HDAC9: variants seen among roughly 807,000 people sequenced by gnomAD.
HDAC9 encodes MEF-2 interacting transcription repressor (MITR) protein.
In HDAC9, 41 loss-of-function variants were observed where a neutral mutation model predicts 139.4. That is an observed-to-expected ratio of 0.29 (90% CI 0.23 to 0.38). The LOEUF (loss-of-function observed/expected upper bound fraction) is 0.38, where lower values mean the gene tolerates loss of function less well. Among genes scored for constraint, HDAC9 ranks in the 10% least tolerant of loss-of-function variants. The pLI, the probability that HDAC9 is intolerant of heterozygous loss-of-function variation, is 1.00. For synonymous variants in HDAC9, 517 were observed against 476.2 expected (o/e 1.09, Z -1.12); for missense variants, 1,147 against 1,297.0 (o/e 0.88, Z 1.78).
chr7:18,352,772 T>C (rs1020030635), intron 1 of HDAC9, among the ~76,000 whole-genome samples: 19 of 152,162 alleles, frequency 1.2e-4, no homozygotes, highest in Non-Finnish European at 2.6e-4. Context: ...TTTGTTTTTT[T>C]CCCCCCTTTT....
chr7:18,862,072 T>C lies in HDAC9; in HGVS notation c.2685-12406T>C, dbSNP rs193002177. On this transcript the variant is annotated intron_variant, in intron 21 of 25. Transcript: ENST00000686413. ...AGAAGTGATAATTTAGCCCCCAAAATATAGCTTATACAAATTTTGTTCTTG... is the reference window on the plus strand; with the variant it reads ...AGAAGTGATAATTTAGCCCCCAAAACATAGCTTATACAAATTTTGTTCTTG... Among the ~76,000 whole-genome samples, 48 of 152,264 alleles carry C rather than the reference T, an allele frequency of 3.2e-4. No individual in the cohort carries two copies. In the East Asian group the frequency reaches 8.1e-3, roughly 26 times the overall value.
At chr7:18,643,735 G>A (rs1209672254) in intron 8 of HDAC9, among the ~76,000 whole-genome samples, 2 of 152,066 alleles carry the variant, frequency 1.3e-5, no homozygotes, top group Non-Finnish European at 2.9e-5. Context: ...CCCTCTTGGA[G>A]GTGGTCTATT....
chr7:18,914,896 A>C (rs557484918), intron 22 of HDAC9, among the ~76,000 whole-genome samples: 12 of 152,246 alleles, frequency 7.9e-5, no homozygotes, highest in African/African-American at 2.9e-4. Context: ...AAATATTGGA[A>C]TACTTTACAT....
intron 2 of HDAC9, among the ~76,000 whole-genome samples, chr7:18,167,208 T>A (rs1391859107): frequency 1.3e-5 from 2 of 151,062 alleles, no homozygotes; most frequent in African/African-American, 4.9e-5. Flanking sequence ...TTTTTTTTTT[T>A]ACTACTTTAA....
intron 22 of HDAC9, among the ~76,000 whole-genome samples, chr7:18,929,125 T>C (rs1280058906): frequency 6.6e-6 from 1 of 152,100 alleles, no homozygotes; most frequent in African/African-American, 2.4e-5. Context: ...GACTTGGTTA[T>C]TAAATACGTA....
At chr7:18,602,384 GA>G in intron 6 of HDAC9, among the ~76,000 whole-genome samples, 1 of 151,112 alleles carries the variant, frequency 6.6e-6, no homozygotes, top group East Asian at 1.9e-4. Flanking sequence ...TTCATCAGTT[GA>G]TCTTTCAAAG....
intron 25 of HDAC9, among the ~76,000 whole-genome samples, chr7:18,984,632 G>C (rs1785183817): frequency 6.6e-6 from 1 of 152,086 alleles, no homozygotes; most frequent in Non-Finnish European, 1.5e-5. Flanking sequence ...AAATTGTTGA[G>C]AAATAGTGAG....
intron 1 of HDAC9, among the ~76,000 whole-genome samples, chr7:18,136,234 T>A (rs1363145577): frequency 6.6e-6 from 1 of 150,472 alleles, no homozygotes; most frequent in Non-Finnish European, 1.5e-5. Context: ...TTGCGAAAAT[T>A]TTCTCCCATT....
At chr7:18,296,752 C>T (rs1393187776) in intron 1 of HDAC9, among the ~76,000 whole-genome samples, 2 of 152,092 alleles carry the variant, frequency 1.3e-5, no homozygotes, top group African/African-American at 4.8e-5. Context: ...TGGCACCAAG[C>T]GCGGGGGCAG....
At chr7:18,502,884 G>A (rs1217665617) in intron 2 of HDAC9, among the ~76,000 whole-genome samples, 1 of 151,954 alleles carries the variant, frequency 6.6e-6, no homozygotes, top group Non-Finnish European at 1.5e-5. Flanking sequence ...TGTTGGCTTC[G>A]AGGCACACAA....
At chr7:18,659,249 C>T (rs899226580) in intron 11 of HDAC9, among the ~76,000 whole-genome samples, 3 of 152,078 alleles carry the variant, frequency 2.0e-5, no homozygotes, top group Non-Finnish European at 2.9e-5. Context: ...GACTTATAGA[C>T]TTGTATCAAG....
chr7:18,153,914 G>C (rs1298836087), intron 1 of HDAC9, among the ~76,000 whole-genome samples: 1 of 152,160 alleles, frequency 6.6e-6, no homozygotes, highest in Non-Finnish European at 1.5e-5. Flanking sequence ...CTTGTGCCTA[G>C]AGATGTGTCT....
intron 16 of HDAC9, among the ~76,000 whole-genome samples, chr7:18,792,520 T>C (rs1203984016): frequency 6.6e-6 from 1 of 152,184 alleles, no homozygotes; most frequent in Non-Finnish European, 1.5e-5. Context: ...CATTATTATG[T>C]GTTTTCATTG....
rs551976256 is a variant in HDAC9, at chr7:19,001,206, T to C, written c.*5144T>C. On this transcript the variant is annotated 3_prime_UTR_variant, in exon 26 of 26. Transcript: ENST00000686413. ...TTTCCTTGTCCTTTGGGAGATGTCT[T>C]TGAGTCAAACCCACAAGCATGAACT... The C allele has an allele frequency of 2.0e-5, 3 of 152,312 alleles. No individual in the cohort carries two copies. The highest frequency in any genetic ancestry group is 1.3e-4 in the Admixed American group (2 of 15,298). 9.4% of individuals were successfully genotyped at this position (152,312 alleles called of 1,614,324 possible).
At chr7:18,644,149 T>C (rs1206028147) in intron 8 of HDAC9, among the ~76,000 whole-genome samples, 2 of 152,212 alleles carry the variant, frequency 1.3e-5, no homozygotes, top group East Asian at 3.9e-4. Flanking sequence ...CCACACAGAA[T>C]TGTCTATTCA....
chr7:18,694,039 A>G (rs1782857557), intron 12 of HDAC9, among the ~76,000 whole-genome samples: 1 of 152,226 alleles, frequency 6.6e-6, no homozygotes, highest in Non-Finnish European at 1.5e-5. Context: ...TTGCTAGTAC[A>G]GTAATAAATT....
At chr7:18,611,154 A>G (rs1454101775) in intron 6 of HDAC9, among the ~76,000 whole-genome samples, 1 of 152,180 alleles carries the variant, frequency 6.6e-6, no homozygotes, top group African/African-American at 2.4e-5. Flanking sequence ...TGTAATAGCA[A>G]GAAGAGCATA....
At chr7:18,154,867 T>C (rs1464354440) in intron 1 of HDAC9, among the ~76,000 whole-genome samples, 2 of 152,226 alleles carry the variant, frequency 1.3e-5, no homozygotes, top group East Asian at 1.9e-4. Flanking sequence ...GGTGAGGTAG[T>C]AGACCAGGGG....
chr7:18,788,566 C>A (rs1279694301), intron 16 of HDAC9, among the ~76,000 whole-genome samples: 1 of 151,928 alleles, frequency 6.6e-6, no homozygotes, highest in African/African-American at 2.4e-5. Flanking sequence ...ACTAGCCTGG[C>A]CAACATGGTG....
Sources: allele counts gnomAD v4.1 joint callset (sites outside exome capture counted in the v4.1 genomes callset), GRCh38; gene constraint gnomAD v4.1.1; transcripts MANE v1.5; gene names NCBI Gene and HGNC (gene_info 2026-07-23, HGNC 2026-07-21).